Variants in EPM2A observed in about 807,000 individuals in gnomAD.
The protein encoded by EPM2A is laforin.
In EPM2A, 21 loss-of-function variants were observed where a neutral mutation model predicts 26.5. That is an observed-to-expected ratio of 0.79 (90% CI 0.56 to 1.14). The LOEUF (loss-of-function observed/expected upper bound fraction) is 1.14. EPM2A is among the 50% of genes most tolerant of loss of function. The probability of loss-of-function intolerance (pLI) is 0.00; values close to 1 mark genes in which losing one functional copy is unlikely to be tolerated. For synonymous variants in EPM2A, 217 were observed against 177.6 expected, an observed-to-expected ratio of 1.22 and a Z score of -1.76; for missense variants, 458 against 440.8, an observed-to-expected ratio of 1.04 and a Z score of -0.35.
intron 2 of EPM2A, among the ~76,000 whole-genome samples, chr6:145,677,806 A>G (rs1222125089): frequency 6.6e-6 from 1 of 152,218 alleles, no homozygotes; most frequent in Non-Finnish European, 1.5e-5. Flanking sequence ...AGACCATTCC[A>G]TGCTCATGGA....
chr6:145,439,138 C>A (rs1017736025), intron 4 of EPM2A, among the ~76,000 whole-genome samples: 1 of 151,992 alleles, frequency 6.6e-6, no homozygotes, highest in Non-Finnish European at 1.5e-5. Flanking sequence ...GCAGAGAACA[C>A]GATCTCTTTC....
In EPM2A at chr6:145,495,383, A is replaced by G. The variant is rs1779804129; in HGVS notation, c.555+7139T>C. Among the ~76,000 whole-genome samples the G allele has an allele frequency of 2.7e-5, 4 of 147,560 alleles. No homozygotes were observed. In the South Asian group the frequency reaches 8.6e-4, roughly 32 times the overall value. On this transcript the variant is annotated intron_variant, in intron 4 of 4. Transcript: ENST00000638717. ...CTTTTATTTTAAGCCTGTGGATGTT[A>G]TTGCATGTGAGATGGGTCTCTTGAA...
At chr6:145,695,443 T>C (rs1043910824) in intron 1 of EPM2A, among the ~76,000 whole-genome samples, 1 of 152,032 alleles carries the variant, frequency 6.6e-6, no homozygotes, top group Admixed American at 6.6e-5. Context: ...AGTCCTTACA[T>C]ACTATAATTA....
chr6:145,415,803 A>C (rs1778700250), intron 4 of EPM2A, among the ~76,000 whole-genome samples: 1 of 152,198 alleles, frequency 6.6e-6, no homozygotes, highest in East Asian at 1.9e-4. Flanking sequence ...TGTTGCTGAC[A>C]CTCCAGAGAG....
chr6:145,429,092 G>A (rs1328332308), intron 4 of EPM2A, among the ~76,000 whole-genome samples: 2 of 151,960 alleles, frequency 1.3e-5, no homozygotes, highest in Non-Finnish European at 2.9e-5. Flanking sequence ...CTCAAATATT[G>A]TAGACATGAA....
chr6:145,700,397 A>G (rs1043989575), intron 1 of EPM2A, among the ~76,000 whole-genome samples: 1 of 152,126 alleles, frequency 6.6e-6, no homozygotes, highest in African/African-American at 2.4e-5. Flanking sequence ...CACTCTCAGA[A>G]TTAACTAGAA....
At chr6:145,491,810 T>C (rs1044204451) in intron 4 of EPM2A, 2 of 531,972 alleles carry the variant, frequency 3.8e-6, no homozygotes, top group Non-Finnish European at 7.7e-6. Flanking sequence ...TTCTCCTGTA[T>C]CAATTATTTT....
At chr6:145,561,943 A>C (rs1472358264) in intron 2 of EPM2A, among the ~76,000 whole-genome samples, 1 of 152,032 alleles carries the variant, frequency 6.6e-6, no homozygotes, top group African/African-American at 2.4e-5. Context: ...ACAAATACCT[A>C]ATGCATGTGG....
At chr6:145,495,235 G>A (rs767690071) in intron 4 of EPM2A, among the ~76,000 whole-genome samples, 6 of 151,792 alleles carry the variant, frequency 4.0e-5, no homozygotes, top group Admixed American at 6.6e-5. Context: ...TTACCATTAT[G>A]TAATGCCCTT....
intron 4 of EPM2A, among the ~76,000 whole-genome samples, chr6:145,394,080 C>T (rs187565535): frequency 2.7e-4 from 41 of 152,246 alleles, no homozygotes; most frequent in Non-Finnish European, 4.4e-5. Context: ...GCCTCACCCT[C>T]CCAAAGTGCT....
chr6:145,527,364 C>T, intron 2 of EPM2A, among the ~76,000 whole-genome samples: 1 of 152,040 alleles, frequency 6.6e-6, no homozygotes, highest in Non-Finnish European at 1.5e-5. Context: ...CCTCAATGAT[C>T]TGTCAAATGC....
chr6:145,505,551 A>G (rs915601170), intron 2 of EPM2A, among the ~76,000 whole-genome samples: 6 of 151,720 alleles, frequency 4.0e-5, no homozygotes, highest in African/African-American at 1.5e-4. Context: ...CAGTAATATT[A>G]TCAAATCTGC....
intron 4 of EPM2A, among the ~76,000 whole-genome samples, chr6:145,468,216 T>G (rs969196986): frequency 6.6e-6 from 1 of 152,108 alleles, no homozygotes; most frequent in African/African-American, 2.4e-5. Context: ...AATTTCCTGT[T>G]ACCTGTTTTA....
chr6:145,444,093 C>A (rs1247016753), intron 4 of EPM2A, among the ~76,000 whole-genome samples: 1 of 152,140 alleles, frequency 6.6e-6, no homozygotes, highest in Non-Finnish European at 1.5e-5. Flanking sequence ...ATTTAGATGT[C>A]TTTTATTATA....
intron 2 of EPM2A, among the ~76,000 whole-genome samples, chr6:145,519,739 TA>T (rs1780178674): frequency 6.6e-6 from 1 of 152,208 alleles, no homozygotes; most frequent in South Asian, 2.1e-4. Flanking sequence ...CGCAAAGGAA[TA>T]AGCCAATTTG....
rs111555678 is a variant in EPM2A at position 145,410,907 on chromosome 6, T to C, written c.556-26810A>G. On this transcript the variant is annotated intron_variant, in intron 4 of 4. Coordinates refer to the EPM2A transcript ENST00000638717. ...GCTGTGGGCCCATTAAAAATAATTC[T>C]TGTTATTGTTATGAATAGTATATTT... is the stretch of plus-strand genomic sequence containing the variant. 5.4e-3 allele frequency among the ~76,000 whole-genome samples: 818 copies of C among 152,374 alleles called. 1 individual carries two copies. The highest frequency in any genetic ancestry group is 9.0e-3 in the Non-Finnish European group (612 of 68,038).
chr6:145,386,705 A>G (rs1256115206), intron 4 of EPM2A, among the ~76,000 whole-genome samples: 1 of 152,196 alleles, frequency 6.6e-6, no homozygotes, highest in South Asian at 2.1e-4. Context: ...GATGTGTGAT[A>G]TCAGTTTTCA....
At chr6:145,528,222 C>A (rs1454790204) in intron 2 of EPM2A, among the ~76,000 whole-genome samples, 3 of 152,102 alleles carry the variant, frequency 2.0e-5, no homozygotes, top group African/African-American at 4.8e-5. Flanking sequence ...GAAGCTAAAG[C>A]AAGTTATCCA....
chr6:145,648,615 AG>A (rs1777657551), intron 2 of EPM2A, among the ~76,000 whole-genome samples: 1 of 152,220 alleles, frequency 6.6e-6, no homozygotes, highest in South Asian at 2.1e-4. Context: ...AATCTCTTGG[AG>A]GTCTCCTTCA....
Sources: allele counts gnomAD v4.1 joint callset (sites outside exome capture counted in the v4.1 genomes callset), GRCh38; gene constraint gnomAD v4.1.1; transcripts MANE v1.5; gene names NCBI Gene and HGNC (gene_info 2026-07-23, HGNC 2026-07-21).